SERTAD3: variants seen among roughly 807,000 people sequenced by gnomAD.
The protein encoded by SERTAD3 is SERTA domain-containing protein 3.
Under a neutral mutation model 11.9 loss-of-function variants are expected in SERTAD3, and 6 were observed. The observed-to-expected ratio is 0.50, with a 90% CI of 0.28 to 0.99. SERTAD3 has a LOEUF of 0.99. SERTAD3 is among the 50% of genes least tolerant of loss of function. SERTAD3 has a pLI of 0.11. For missense variants in SERTAD3, 261 were observed against 240.9 expected, an observed-to-expected ratio of 1.08 and a Z score of -0.55; for synonymous variants, 101 against 98.9, an observed-to-expected ratio of 1.02 and a Z score of -0.13.
rs553136824 is a variant in SERTAD3, at chr19:40,442,110, G to C, written c.-6-24C>G. ...CCCTGTAGAGAGAAGAGGCGCATAGGGGAAGGTCAGACACCAGACACCGTA... is the reference window on the plus strand; with the variant it reads ...CCCTGTAGAGAGAAGAGGCGCATAGCGGAAGGTCAGACACCAGACACCGTA... On this transcript the variant is annotated intron_variant, in intron 1 of 1. Coordinates refer to ENST00000322354, the MANE Select transcript of SERTAD3 (RefSeq NM_203344.3). 7.3e-6 allele frequency: 10 copies of C among 1,379,116 alleles called. No individual in the cohort carries two copies. In the African/African-American group the frequency reaches 1.3e-4, roughly 18 times the overall value. The allele number at this position is 1,379,116 out of a possible 1,614,324, so 85.4% of individuals were successfully genotyped here. A position where few individuals can be genotyped will look rare whatever the true frequency, so the allele number is the denominator to read the frequency against.
rs143191089 is a variant in SERTAD3 at position 40,442,689 on chromosome 19, GC to G, written c.-6-604del. 376 of 152,450 alleles carry G rather than the reference GC, an allele frequency of 2.5e-3. 1 individual carries two copies. Among genetic ancestry groups the G allele is most frequent in the African/African-American group, 8.8e-3 (366 of 41,574 alleles). 9.4% of individuals were successfully genotyped at this position (152,450 alleles called of 1,614,324 possible). On this transcript the variant is annotated intron_variant, in intron 1 of 1. Transcript: ENST00000322354. The stretch of plus-strand genomic sequence containing the variant: ...CTATAGGGCCCACCACACCGGAAGT[GC>G]TTAATGAACAAGAGTTGTGTTTGTT...
rs934336704 is a variant in SERTAD3, at chr19:40,444,233, C to T, written c.-25G>A. 3 of 152,594 alleles carry T rather than the reference C, an allele frequency of 2.0e-5. No individual in the cohort carries two copies. The highest frequency in any genetic ancestry group is 1.5e-5 in the Non-Finnish European group (1 of 68,212). 9.5% of individuals were successfully genotyped at this position (152,594 alleles called of 1,614,324 possible). A position where few individuals can be genotyped will look rare whatever the true frequency, so the allele number is the denominator to read the frequency against. On this transcript the variant is annotated 5_prime_UTR_variant, in exon 1 of 2. Transcript: ENST00000322354. The stretch of plus-strand genomic sequence containing the variant: ...TCCTCACCGCAGCTGCCAGGTTCGC[C>T]ACGACCACCTCCTGGAACGCCCACA...
chr19:40,442,616 C>T (rs1339029998), intron 1 of SERTAD3: 1 of 152,428 alleles, frequency 6.6e-6, no homozygotes, highest in Non-Finnish European at 1.5e-5. Context: ...AAAATAGGGA[C>T]TGTAAAAAAA....
chr19:40,441,754 A>G lies in SERTAD3; in HGVS notation c.327T>C (p.Thr109=). 2 of 1,613,926 alleles carry G rather than the reference A, an allele frequency of 1.2e-6. No homozygotes were observed. Among genetic ancestry groups the G allele is most frequent in the African/African-American group, 1.3e-5 (1 of 75,052 alleles). Residue 109 remains threonine, a synonymous_variant, in exon 2 of 2, where the codon ACT becomes ACC. Coordinates refer to ENST00000322354, the MANE Select transcript of SERTAD3 (RefSeq NM_203344.3). ...GAGTCACTGGATTCTGAGGGGGCTC[A>G]GTCCCATCCATGGAGGTGTCCAGCT... is the stretch of plus-strand genomic sequence containing the variant. ...LRELDTSMDG[T]EPPQNPVTPL... is the part of the protein sequence containing the mutation.
At position 40,441,272 on chromosome 19, in the gene SERTAD3, AATAG is replaced by A. The variant is rs963250205; in HGVS notation, c.*214_*217del. ...AACAGAGTCTCGTTAAGGCATTTGG[AATAG>A]ATAAATTAATTCAGGAAGACCCACC... is the stretch of plus-strand genomic sequence containing the variant. On this transcript the variant is annotated 3_prime_UTR_variant, in exon 2 of 2. Transcript: ENST00000322354. 43 of 493,222 alleles carry A rather than the reference AATAG, an allele frequency of 8.7e-5. No individual in the cohort carries two copies. Among genetic ancestry groups the A allele is most frequent in the African/African-American group, 6.3e-4 (32 of 50,900 alleles). 30.6% of individuals were successfully genotyped at this position (493,222 alleles called of 1,614,324 possible).
In SERTAD3 at chr19:40,441,476, C is replaced by T. The variant is rs561364491; in HGVS notation, c.*14G>A. The stretch of plus-strand genomic sequence containing the variant: ...AGATGACATGAGGAAGGATCGATCC[C>T]CTCTATCACAGTTTTAGGACCCCAG... On this transcript the variant is annotated 3_prime_UTR_variant, in exon 2 of 2. Coordinates refer to ENST00000322354, the MANE Select transcript of SERTAD3 (RefSeq NM_203344.3). 11 of 1,580,374 alleles carry T rather than the reference C, an allele frequency of 7.0e-6. No individual in the cohort carries two copies. In the Admixed American group the frequency reaches 1.1e-4, roughly 16 times the overall value.
At position 40,441,320 on chromosome 19, in the gene SERTAD3, A is replaced by C; in HGVS notation, c.*170T>G. 1.7e-6 allele frequency: 1 copy of C among 580,638 alleles called. No individual in the cohort carries two copies. Among genetic ancestry groups the C allele is most frequent in the Non-Finnish European group, 3.0e-6 (1 of 331,078 alleles). 36.0% of individuals were successfully genotyped at this position (580,638 alleles called of 1,614,324 possible). On this transcript the variant is annotated 3_prime_UTR_variant, in exon 2 of 2. Coordinates refer to ENST00000322354, the MANE Select transcript of SERTAD3 (RefSeq NM_203344.3). ...ACCCACCTTCACAGAAGGTCGGGGTAACCAGACACACACACACATGCAAGA... is the reference window on the plus strand; with the variant it reads ...ACCCACCTTCACAGAAGGTCGGGGTCACCAGACACACACACACATGCAAGA...
Position 40,442,026 on chromosome 19 carries a change from A to C in SERTAD3, c.55T>G (p.Trp19Gly). Reference protein sequence around the residue: ...HSDLEEEEERWEWSPAGLQSY... With the variant: ...HSDLEEEEERGEWSPAGLQSY... Reference sequence around the variant, plus strand: ...TGAAGGCCTGCTGGACTCCACTCCCACCTCTCCTCCTCCTCTTCCAAATCA... The same window carrying C: ...TGAAGGCCTGCTGGACTCCACTCCCCCCTCTCCTCCTCCTCTTCCAAATCA... The change falls in exon 2 of 2, where the codon TGG becomes GGG. Residue 19 changes from tryptophan to glycine, a missense_variant. Trp to Gly is a radical substitution (Grantham distance 184). Transcript: ENST00000322354. 1 of 1,509,560 alleles carries C rather than the reference A, an allele frequency of 6.6e-7. No individual in the cohort carries two copies. Among genetic ancestry groups the C allele is most frequent in the Non-Finnish European group, 8.8e-7 (1 of 1,131,616 alleles). 93.5% of individuals were successfully genotyped at this position (1,509,560 alleles called of 1,614,324 possible).
In SERTAD3 at chr19:40,441,801, T is replaced by C. The variant is rs2079679468; in HGVS notation, c.280A>G (p.Thr94Ala). 7 of 1,595,918 alleles carry C rather than the reference T, an allele frequency of 4.4e-6. No individual in the cohort carries two copies. Among genetic ancestry groups the C allele is most frequent in the East Asian group, 2.2e-5 (1 of 44,456 alleles). The change falls in exon 2 of 2, where the codon ACC (threonine) becomes GCC (alanine). Residue 94 changes from threonine (T) to alanine (A), a missense_variant. Physicochemically the swap from Thr to Ala is moderately conservative, Grantham distance 58 (BLOSUM62 0). Transcript: ENST00000322354. ...LGEEDFSLSA[T>A]IGSILRELDT... ...AGCTCCCTGAGGATAGAGCCAATGGTGGCTGACAGGGAGAAATCCTCCTCG... is the reference window on the plus strand; with the variant it reads ...AGCTCCCTGAGGATAGAGCCAATGGCGGCTGACAGGGAGAAATCCTCCTCG...
In SERTAD3 at chr19:40,441,541, A is replaced by G. The variant is rs2887292; in HGVS notation, c.540T>C (p.Ser180=). The change falls in exon 2 of 2, where the codon TCT becomes TCC. Residue 180 remains serine, a synonymous_variant. Coordinates refer to ENST00000322354, the MANE Select transcript of SERTAD3 (RefSeq NM_203344.3). ...TGTGATCCAGTTCATTCCACTCCCA[A>G]GAACCTGGGGCACAGAAGAGGTTGT... is the stretch of plus-strand genomic sequence containing the variant. ...PPHNLFCAPG[S]WEWNELDHIM... 276,044 of 1,613,518 alleles carry G rather than the reference A, an allele frequency of 0.17. 24,738 individuals are homozygous for G. The highest frequency in any genetic ancestry group is 0.21 in the African/African-American group (16,010 of 74,910).
At position 40,441,766 on chromosome 19, in the gene SERTAD3, G is replaced by A; in HGVS notation, c.315C>T (p.Ser105=). The part of the protein sequence containing the change: ...IGSILRELDT[S]MDGTEPPQNP... ...TCTGAGGGGGCTCAGTCCCATCCAT[G>A]GAGGTGTCCAGCTCCCTGAGGATAG... The change falls in exon 2 of 2, where the codon TCC becomes TCT. Residue 105 remains serine, a synonymous_variant. Coordinates refer to ENST00000322354, the MANE Select transcript of SERTAD3 (RefSeq NM_203344.3). The A allele has an allele frequency of 6.2e-7, 1 of 1,613,444 alleles. No individual in the cohort carries two copies. The highest frequency in any genetic ancestry group is 1.3e-5 in the African/African-American group (1 of 75,032).
At chr19:40,442,125 C>G (rs1238389016) in intron 1 of SERTAD3, 39 bp from the exon 2 acceptor site, 1 of 1,302,906 alleles carries the variant, frequency 7.7e-7, no homozygotes, top group African/African-American at 1.5e-5. Flanking sequence ...GGTCAGACAC[C>G]AGACACCGTA....
At chr19:40,443,158 G>A (rs1189394839) in intron 1 of SERTAD3, among the ~76,000 whole-genome samples, 1 of 151,772 alleles carries the variant, frequency 6.6e-6, no homozygotes, top group Middle Eastern at 3.4e-3. Context: ...CAATCAGACC[G>A]CGACACTGTA....
At chr19:40,443,054 T>C (rs2079690111) in intron 1 of SERTAD3, among the ~76,000 whole-genome samples, 1 of 151,900 alleles carries the variant, frequency 6.6e-6, no homozygotes, top group Non-Finnish European at 1.5e-5. Context: ...TCATTCCCTC[T>C]GCCCACGCTT....
In SERTAD3 at chr19:40,441,606, C is replaced by T. The variant is rs1199034474; in HGVS notation, c.475G>A (p.Val159Ile). The T allele has an allele frequency of 1.9e-6, 3 of 1,614,200 alleles. No individual in the cohort carries two copies. The African/African-American group carries it at 4.0e-5, about 22-fold the overall frequency. Residue 159 changes from valine (V) to isoleucine (I), a missense_variant, in exon 2 of 2, where the codon GTA (valine) becomes ATA (isoleucine). Val to Ile is a conservative substitution (Grantham distance 29, BLOSUM62 3). Coordinates refer to ENST00000322354, the MANE Select transcript of SERTAD3 (RefSeq NM_203344.3). ...GGGGCCCGTGCAGGCTCCTTTTCTACCGCAGATGTGTCAATGTCCAGAAAG... is the reference window on the plus strand; with the variant it reads ...GGGGCCCGTGCAGGCTCCTTTTCTATCGCAGATGTGTCAATGTCCAGAAAG... ...DFFLDIDTSAVEKEPARAPPE... is the reference protein window; with the variant it reads ...DFFLDIDTSAIEKEPARAPPE...
chr19:40,441,362 G>A lies in SERTAD3; in HGVS notation c.*128C>T. ...CATGCAAGACAGTTTGTGGAACCCT[G>A]AAATGGGAACAAAGGAGGCCATAGT... On this transcript the variant is annotated 3_prime_UTR_variant, in exon 2 of 2. Coordinates refer to ENST00000322354, the MANE Select transcript of SERTAD3 (RefSeq NM_203344.3). The A allele has an allele frequency of 1.2e-6, 1 of 827,892 alleles. No individual in the cohort carries two copies. The highest frequency in any genetic ancestry group is 1.8e-5 in the South Asian group (1 of 56,438). The allele number at this position is 827,892 out of a possible 1,614,324, so 51.3% of individuals were successfully genotyped here.
At chr19:40,442,672 C>G (rs2079687546) in intron 1 of SERTAD3, 2 of 152,394 alleles carry the variant, frequency 1.3e-5, no homozygotes, top group South Asian at 4.1e-4. Flanking sequence ...ATCTATAGGG[C>G]CCACCACACC....
Position 40,441,888 on chromosome 19 carries a change from G to C in SERTAD3, c.193C>G (p.Leu65Val). ...HVLIHNTLQQ[L>V]QAALRLAPAP... ...GGAGCCAGGCGAAGTGCAGCCTGCAGCTGTTGGAGGGTGTTATGGATGAGG... is the reference window on the plus strand; with the variant it reads ...GGAGCCAGGCGAAGTGCAGCCTGCACCTGTTGGAGGGTGTTATGGATGAGG... The change falls in exon 2 of 2, where the codon CTG (leucine) becomes GTG (valine). Residue 65 changes from leucine to valine, a missense_variant. By Grantham distance (32) the Leu-to-Val change is conservative. Transcript: ENST00000322354. 1 of 1,579,802 alleles carries C rather than the reference G, an allele frequency of 6.3e-7. No homozygotes were observed. Among genetic ancestry groups the C allele is most frequent in the Non-Finnish European group, 8.6e-7 (1 of 1,163,258 alleles).
rs7259644 is a variant in SERTAD3 at position 40,441,398 on chromosome 19, A to T, written c.*92T>A. 181,386 of 1,127,496 alleles carry T rather than the reference A, an allele frequency of 0.16. 15,644 individuals carry two copies. The highest frequency in any genetic ancestry group is 0.24 in the South Asian group (15,712 of 66,034). The allele number at this position is 1,127,496 out of a possible 1,614,324, so 69.8% of individuals were successfully genotyped here. ...AAAGGAGGCCATAGTCACTGCTTCGAGCCCCCACAAAAACACACACCCAGA... is the reference window on the plus strand; with the variant it reads ...AAAGGAGGCCATAGTCACTGCTTCGTGCCCCCACAAAAACACACACCCAGA... On this transcript the variant is annotated 3_prime_UTR_variant, in exon 2 of 2. Coordinates refer to ENST00000322354, the MANE Select transcript of SERTAD3 (RefSeq NM_203344.3).
Sources: gnomAD v4.1 joint callset for allele counts (sites outside exome capture counted in the v4.1 genomes callset) on GRCh38, gnomAD v4.1.1 for gene constraint, MANE v1.5 for transcripts, NCBI Gene and HGNC (gene_info 2026-07-23, HGNC 2026-07-21) for gene names.